NOXRED1: variants seen among roughly 807,000 people sequenced by gnomAD.
NOXRED1 encodes NADP dependent oxidoreductase domain containing 1.
NOXRED1 carries 20 observed loss-of-function variants against 30.4 expected under a neutral mutation model. The ratio of observed to expected loss-of-function variants is 0.66; its 90% CI spans 0.46 to 0.96. The LOEUF is 0.96. NOXRED1 is among the 40% of genes least tolerant of loss of function. The pLI is 0.00. For synonymous variants in NOXRED1, 155 were observed against 168.0 expected, an observed-to-expected ratio of 0.92 and a Z score of 0.60; for missense variants, 374 against 428.0, an observed-to-expected ratio of 0.87 and a Z score of 1.11.
intron 4 of NOXRED1, 63 bp from the exon 5 acceptor site, chr14:77,406,198 AG>A: frequency 8.4e-7 from 1 of 1,185,310 alleles, no homozygotes; most frequent in Admixed American, 2.0e-5. Context: ...CAGAAAACCT[AG>A]AATAAACCCC....
rs938736963 is a variant in NOXRED1 at position 77,394,121 on chromosome 14, G to T, written c.*510C>A. The T allele has an allele frequency of 6.6e-6, 1 of 152,130 alleles. No homozygotes were observed. Among genetic ancestry groups the T allele is most frequent in the Non-Finnish European group, 1.5e-5 (1 of 68,086 alleles). The allele number at this position is 152,130 out of a possible 1,614,324, so 9.4% of individuals were successfully genotyped here. On this transcript the variant is annotated 3_prime_UTR_variant, in exon 6 of 6. Transcript: ENST00000380835. Reference sequence around the variant, plus strand: ...AACAGCTGTAAATAAGATAGTACCAGAACAGTCATATATAGTCAAAATAAG... The same window carrying T: ...AACAGCTGTAAATAAGATAGTACCATAACAGTCATATATAGTCAAAATAAG...
intron 2 of NOXRED1, among the ~76,000 whole-genome samples, chr14:77,410,492 C>T (rs892597111): frequency 3.3e-5 from 5 of 151,758 alleles, no homozygotes; most frequent in Admixed American, 3.3e-4. Flanking sequence ...GCCTGTAATC[C>T]CAGGTATGTG....
chr14:77,421,120 C>G (rs952122911), intron 1 of NOXRED1, among the ~76,000 whole-genome samples: 56 of 152,300 alleles, frequency 3.7e-4, no homozygotes, highest in African/African-American at 1.2e-3. Context: ...TTCTTTTTCC[C>G]TCCAAAGGAG....
In NOXRED1 at chr14:77,406,485, T is replaced by G. The variant is rs574075207; in HGVS notation, c.682+239A>C. 1.3e-5 allele frequency: 8 copies of G among 607,102 alleles called. No individual in the cohort carries two copies. In the Admixed American group the frequency reaches 1.7e-4, roughly 13 times the overall value. The allele number at this position is 607,102 out of a possible 1,614,324, so 37.6% of individuals were successfully genotyped here. ...TTAGTCCAACATTACATCCTCCTAT[T>G]GAAATAAGCTATCTCCTCTTTTGGT... On this transcript the variant is annotated intron_variant, in intron 4 of 5. Coordinates refer to ENST00000380835, the MANE Select transcript of NOXRED1 (RefSeq NM_001113475.3).
upstream of NOXRED1, among the ~76,000 whole-genome samples, chr14:77,425,844 CT>C (rs202231610): frequency 0.023 from 3,497 of 152,352 alleles, 94 homozygotes; most frequent in Non-Finnish European, 0.027. Context: ...GCCATATTGC[CT>C]TAAGGCATGG....
rs1231702287 is a variant in NOXRED1, at chr14:77,405,965, G to T, written c.853C>A (p.Gln285Lys). The T allele has an allele frequency of 6.2e-7, 1 of 1,613,596 alleles. No homozygotes were observed. Among genetic ancestry groups the T allele is most frequent in the African/African-American group, 1.3e-5 (1 of 74,916 alleles). ...GKDTASCPKL[Q>K]LTDFVSKAYG... Reference sequence around the variant, plus strand: ...GCTTTGCTGACAAAATCTGTTAATTGCAACTTTGGGCAAGATGCTGTGTCT... The same window carrying T: ...GCTTTGCTGACAAAATCTGTTAATTTCAACTTTGGGCAAGATGCTGTGTCT... The change falls in exon 5 of 6, where the codon CAA becomes AAA. Residue 285 changes from glutamine (Q) to lysine (K), a missense_variant. By Grantham distance (53) the Gln-to-Lys change is moderately conservative. Coordinates refer to ENST00000380835, the MANE Select transcript of NOXRED1 (RefSeq NM_001113475.3).
chr14:77,402,710 A>T (rs1441312166), intron 5 of NOXRED1, among the ~76,000 whole-genome samples: 2 of 151,892 alleles, frequency 1.3e-5, no homozygotes, highest in African/African-American at 4.8e-5. Flanking sequence ...CACCAAAGAC[A>T]ATATACAAAT....
At chr14:77,413,827 C>T (rs1894729204) in intron 2 of NOXRED1, 107 bp downstream of exon 2, 2 of 703,578 alleles carry the variant, frequency 2.8e-6, no homozygotes, top group Admixed American at 3.5e-5. Context: ...CTGAGAACTC[C>T]ACACGCTGTA....
At position 77,423,485 on chromosome 14, in the gene NOXRED1, TG is replaced by T. The variant is rs1895055253; in HGVS notation, c.-597del. On this transcript the variant is annotated 5_prime_UTR_variant, in exon 1 of 6. Transcript: ENST00000380835. ...ATATCTATCACCAAACAGAGAAGAT[TG>T]GCTCTGCTCCTCAGTACTTCTGATC... The T allele has an allele frequency of 6.6e-6, 1 of 152,246 alleles. No individual in the cohort carries two copies. Among genetic ancestry groups the T allele is most frequent in the South Asian group, 2.1e-4 (1 of 4,830 alleles). 9.4% of individuals were successfully genotyped at this position (152,246 alleles called of 1,614,324 possible). A position where few individuals can be genotyped will look rare whatever the true frequency, so the allele number is the denominator to read the frequency against.
chr14:77,399,283 G>A (rs977576659), intron 5 of NOXRED1, among the ~76,000 whole-genome samples: 1 of 151,920 alleles, frequency 6.6e-6, no homozygotes, highest in Non-Finnish European at 1.5e-5. Flanking sequence ...TGAGACCCCA[G>A]TCTCTACAAA....
At chr14:77,415,669 A>G (rs1894797979) in intron 1 of NOXRED1, among the ~76,000 whole-genome samples, 1 of 151,894 alleles carries the variant, frequency 6.6e-6, no homozygotes, top group Non-Finnish European at 1.5e-5. Flanking sequence ...GTTGTGCAAC[A>G]GCTCTTTAGA....
Position 77,416,826 on chromosome 14 carries a change from G to C in NOXRED1, c.156-2699C>G, listed in dbSNP as rs549755524. On this transcript the variant is annotated intron_variant, in intron 1 of 5. Transcript: ENST00000380835. The stretch of plus-strand genomic sequence containing the variant: ...TCCCGGACAGGGCGGCTGGCCGGGC[G>C]GGGGGCTGACCCCCCCACCTCCCTC... Among the ~76,000 whole-genome samples the C allele has an allele frequency of 6.3e-3, 939 of 149,430 alleles. 2 individuals carry two copies. Among genetic ancestry groups the C allele is most frequent in the Non-Finnish European group, 0.01 (690 of 67,514 alleles).
chr14:77,422,696 A>AT (rs1413415498), intron 1 of NOXRED1, 39 bp downstream of exon 1: 1 of 1,594,264 alleles, frequency 6.3e-7, no homozygotes, highest in East Asian at 2.2e-5. Context: ...CAGCAGTGAG[A>AT]TTCTTGTCCA....
chr14:77,414,796 G>A (rs993347807), intron 1 of NOXRED1, among the ~76,000 whole-genome samples: 1 of 152,094 alleles, frequency 6.6e-6, no homozygotes, highest in Non-Finnish European at 1.5e-5. Flanking sequence ...ACAGCATACT[G>A]TAATGTCTAT....
intron 5 of NOXRED1, among the ~76,000 whole-genome samples, chr14:77,403,685 T>C (rs1566707318): frequency 6.6e-6 from 1 of 151,854 alleles, no homozygotes; most frequent in Non-Finnish European, 1.5e-5. Flanking sequence ...AACAAAAAAG[T>C]TAATGGAAAT....
Position 77,408,892 on chromosome 14 carries a change from A to ATTTTTTTTTTTTTTTTTTTTTTTTTTT in NOXRED1, c.350-1248_350-1247insAAAAAAAAAAAAAAAAAAAAAAAAAAA, listed in dbSNP as rs1177680524. On this transcript the variant is annotated intron_variant, in intron 2 of 5. Transcript: ENST00000380835. ...GCATAAAAACACTCACTGGTAGTTA[A>ATTTTTTTTTTTTTTTTTTTTTTTTTTT]TTTTTTTTTTTTTTTTTTTTGGCTA... Among the ~76,000 whole-genome samples, 176 of 68,176 alleles carry ATTTTTTTTTTTTTTTTTTTTTTTTTTT rather than the reference A, an allele frequency of 2.6e-3. 61 individuals are homozygous for ATTTTTTTTTTTTTTTTTTTTTTTTTTT. The highest frequency in any genetic ancestry group is 4.0e-3 in the Admixed American group (14 of 3,486). The allele number at this position is 68,176 out of a possible 152,430, so 44.7% of individuals were successfully genotyped here. A position where few individuals can be genotyped will look rare whatever the true frequency, so the allele number is the denominator to read the frequency against.
chr14:77,411,436 C>T (rs529654229), intron 2 of NOXRED1, among the ~76,000 whole-genome samples: 9 of 147,272 alleles, frequency 6.1e-5, no homozygotes, highest in Admixed American at 4.1e-4. Flanking sequence ...CACCACTGTA[C>T]TCCAGCCTGG....
intron 1 of NOXRED1, 59 bp downstream of exon 1, chr14:77,422,676 T>C: frequency 1.9e-6 from 3 of 1,548,324 alleles, no homozygotes; most frequent in Non-Finnish European, 2.7e-6. Context: ...ATTTAAGACA[T>C]TTGAATTCTC....
rs1276471504 is a variant in NOXRED1, at chr14:77,395,794, C to A, written c.906-989G>T. On this transcript the variant is annotated intron_variant, in intron 5 of 5. Transcript: ENST00000380835. ...TCTAGCCTGGGCTACAGAGTGAGACCCCCATCTCTAAAAAAACAGAGAGGA... is the reference window on the plus strand; with the variant it reads ...TCTAGCCTGGGCTACAGAGTGAGACACCCATCTCTAAAAAAACAGAGAGGA... Among the ~76,000 whole-genome samples the A allele has an allele frequency of 2.6e-5, 4 of 151,778 alleles. No individual in the cohort carries two copies. In the East Asian group the frequency reaches 7.7e-4, roughly 29 times the overall value.
Sources: allele counts gnomAD v4.1 joint callset (sites outside exome capture counted in the v4.1 genomes callset), GRCh38; gene constraint gnomAD v4.1.1; transcripts MANE v1.5; gene names NCBI Gene and HGNC (gene_info 2026-07-23, HGNC 2026-07-21).